Variants in KLF7 observed in about 807,000 individuals in gnomAD.
KLF7 encodes KLF transcription factor 7.
KLF7 carries 2 observed loss-of-function variants against 27.3 expected under a neutral mutation model. That is an observed-to-expected ratio of 0.07 (90% CI 0.03 to 0.23). The LOEUF is 0.23. KLF7 is among the 10% of genes least tolerant of loss of function. KLF7 has a pLI of 1.00. For missense variants in KLF7, 221 were observed against 394.1 expected (o/e 0.56, Z 3.72); for synonymous variants, 165 against 162.4 (o/e 1.02, Z -0.12).
upstream of KLF7, chr2:207,166,995 T>A: frequency 1.3e-6 from 1 of 760,886 alleles, no homozygotes; most frequent in East Asian, 4.6e-5. Context: ...GCGAGAGACC[T>A]GGTCGGGAGT....
In KLF7 at chr2:207,076,382, TTC is replaced by T. The variant is rs144458140; in HGVS notation, c.*4829_*4830del. 7.2e-5 allele frequency: 11 copies of T among 152,122 alleles called. No individual in the cohort carries two copies. Among genetic ancestry groups the T allele is most frequent in the African/African-American group, 2.2e-4 (9 of 41,434 alleles). 9.4% of individuals were successfully genotyped at this position (152,122 alleles called of 1,614,324 possible). On this transcript the variant is annotated 3_prime_UTR_variant, in exon 4 of 4. Transcript: ENST00000309446. ...TATTTGTGAAGTGATGGCCCAGGAT[TTC>T]TCTCTCTGTTTTTGACACCTGTTTC...
intron 2 of KLF7, among the ~76,000 whole-genome samples, chr2:207,114,735 A>G (rs570549512): frequency 6.6e-6 from 1 of 152,316 alleles, no homozygotes; most frequent in African/African-American, 2.4e-5. Flanking sequence ...CCAGAGAAAG[A>G]TATTAGATAC....
At chr2:207,155,098 A>G (rs2078346304) in intron 1 of KLF7, among the ~76,000 whole-genome samples, 1 of 152,178 alleles carries the variant, frequency 6.6e-6, no homozygotes, top group South Asian at 2.1e-4. Context: ...AAATACTTCC[A>G]AGTTGTATGA....
chr2:207,120,209 A>G (rs984103817), intron 2 of KLF7, among the ~76,000 whole-genome samples: 3 of 152,224 alleles, frequency 2.0e-5, no homozygotes, highest in Non-Finnish European at 2.9e-5. Flanking sequence ...ATTGCCTAAT[A>G]TCCTCCAGGG....
intron 1 of KLF7, among the ~76,000 whole-genome samples, chr2:207,160,841 G>C (rs2078526108): frequency 6.6e-6 from 1 of 152,182 alleles, no homozygotes; most frequent in South Asian, 2.1e-4. Flanking sequence ...GGATGCTTAA[G>C]GTCTCTGACA....
At chr2:207,123,347 G>C (rs943122898) in intron 2 of KLF7, among the ~76,000 whole-genome samples, 2 of 152,198 alleles carry the variant, frequency 1.3e-5, no homozygotes, top group African/African-American at 4.8e-5. Flanking sequence ...GCTGGGAAAA[G>C]AGTGAATAGG....
At position 207,080,540 on chromosome 2, in the gene KLF7, G is replaced by A. The variant is rs1359295344; in HGVS notation, c.*673C>T. ...TAAGGTGTTATTCCAGTCTGCCGCCGCTAAGGCCGTTGGGATCGACGCGAA... is the reference window on the plus strand; with the variant it reads ...TAAGGTGTTATTCCAGTCTGCCGCCACTAAGGCCGTTGGGATCGACGCGAA... On this transcript the variant is annotated 3_prime_UTR_variant, in exon 4 of 4. Transcript: ENST00000309446. The A allele has an allele frequency of 1.0e-5, 3 of 287,218 alleles. No homozygotes were observed. The highest frequency in any genetic ancestry group is 2.2e-5 in the African/African-American group (1 of 46,278). 17.8% of individuals were successfully genotyped at this position (287,218 alleles called of 1,614,324 possible). A position where few individuals can be genotyped will look rare whatever the true frequency, so the allele number is the denominator to read the frequency against.
At chr2:207,105,310 A>G (rs1056693106) in intron 2 of KLF7, among the ~76,000 whole-genome samples, 2 of 152,198 alleles carry the variant, frequency 1.3e-5, no homozygotes, top group Admixed American at 6.5e-5. Context: ...ACACCAGGTG[A>G]TAACATCACT....
intron 2 of KLF7, among the ~76,000 whole-genome samples, chr2:207,102,225 C>T (rs1232512155): frequency 3.3e-5 from 5 of 151,514 alleles, no homozygotes; most frequent in Non-Finnish European, 5.9e-5. Flanking sequence ...TATGTAGAAA[C>T]ACCCCCACAC....
chr2:207,106,810 A>C (rs1250724824), intron 2 of KLF7, among the ~76,000 whole-genome samples: 1 of 152,216 alleles, frequency 6.6e-6, no homozygotes, highest in Non-Finnish European at 1.5e-5. Context: ...CTGAAAGCAC[A>C]GAGAGTGGGA....
chr2:207,074,419 G>C lies in KLF7; in HGVS notation c.*6794C>G, dbSNP rs941277106. The C allele has an allele frequency of 1.3e-5, 2 of 152,220 alleles. No individual in the cohort carries two copies. Among genetic ancestry groups the C allele is most frequent in the Admixed American group, 6.5e-5 (1 of 15,286 alleles). The allele number at this position is 152,220 out of a possible 1,614,324, so 9.4% of individuals were successfully genotyped here. On this transcript the variant is annotated 3_prime_UTR_variant, in exon 4 of 4. Transcript: ENST00000309446. ...TCTTTCCTGGAAGTCGTGTGTGGCA[G>C]AGATTTTAGTACTTTTCTTTTCAGT...
At chr2:207,091,461 G>A (rs2076509995) in intron 2 of KLF7, among the ~76,000 whole-genome samples, 1 of 152,104 alleles carries the variant, frequency 6.6e-6, no homozygotes, top group South Asian at 2.1e-4. Flanking sequence ...ATAATACTGA[G>A]GACAGGCTCC....
At chr2:207,119,722 G>C (rs1181377353) in intron 2 of KLF7, among the ~76,000 whole-genome samples, 1 of 151,990 alleles carries the variant, frequency 6.6e-6, no homozygotes, top group Non-Finnish European at 1.5e-5. Flanking sequence ...TATTGTTTTT[G>C]AGACGGTGTC....
rs774118640 is a variant in KLF7 at position 207,124,094 on chromosome 2, G to A, written c.413C>T (p.Pro138Leu). 2 of 1,614,180 alleles carry A rather than the reference G, an allele frequency of 1.2e-6. No homozygotes were observed. Residue 138 changes from proline to leucine, a missense_variant, in exon 2 of 4, where the codon CCC becomes CTC. Around this residue, in one of 3 missense-constraint regions of KLF7, gnomAD observed 180 missense variants for 227.9 expected, o/e 0.79. Transcript: ENST00000309446. ...GCGGCTGAGCTCAGGGGACGATGGG[G>A]GCGTTAATGAGGTCACTGCGTTGAG... ...AQLNAVTSLT[P>L]PSSPELSRHL...
Position 207,100,615 on chromosome 2 carries a change from G to A in KLF7, c.734-12034C>T, listed in dbSNP as rs987520619. 4.1e-4 allele frequency among the ~76,000 whole-genome samples: 63 copies of A among 152,046 alleles called. 2 individuals are homozygous for A. The highest frequency in any genetic ancestry group is 7.4e-5 in the Non-Finnish European group (5 of 68,014). ...CCCCCGCTCCCCAACTCCCGCCCAAGCCTTTCTCACTCGCTGGGATGTCCC... is the reference window on the plus strand; with the variant it reads ...CCCCCGCTCCCCAACTCCCGCCCAAACCTTTCTCACTCGCTGGGATGTCCC... On this transcript the variant is annotated intron_variant, in intron 2 of 3. Transcript: ENST00000309446.
chr2:207,085,517 G>A (rs1455126494), intron 3 of KLF7, among the ~76,000 whole-genome samples: 4 of 152,186 alleles, frequency 2.6e-5, no homozygotes, highest in African/African-American at 7.2e-5. Context: ...CAGGGGGGCT[G>A]CACTGTCCAG....
intron 2 of KLF7, among the ~76,000 whole-genome samples, chr2:207,100,818 GAAAAGTGCTTTT>G (rs1019994669): frequency 2.6e-5 from 4 of 152,174 alleles, no homozygotes; most frequent in African/African-American, 9.7e-5. Flanking sequence ...CACATTAAAT[GAAAAGTGCTTTT>G]AAAACAAGGA....
Position 207,165,929 on chromosome 2 carries a change from T to C in KLF7, c.-361A>G. ...CAAACTCACTGACACGAAGCTGCCA[T>C]CTATTTCTGCAGCGCTGTTCGCTCC... is the stretch of plus-strand genomic sequence containing the variant. On this transcript the variant is annotated 5_prime_UTR_variant, in exon 1 of 4. The change abolishes an upstream ATG in the 5' untranslated region. Coordinates refer to ENST00000309446, the MANE Select transcript of KLF7 (RefSeq NM_003709.4). 11 of 1,086,956 alleles carry C rather than the reference T, an allele frequency of 1.0e-5. No individual in the cohort carries two copies. Among genetic ancestry groups the C allele is most frequent in the Non-Finnish European group, 1.2e-5 (11 of 891,404 alleles). 67.3% of individuals were successfully genotyped at this position (1,086,956 alleles called of 1,614,324 possible).
chr2:207,102,173 C>A (rs935969731), intron 2 of KLF7, among the ~76,000 whole-genome samples: 9 of 151,376 alleles, frequency 5.9e-5, no homozygotes, highest in Admixed American at 5.9e-4. Context: ...GCCCTCCCCC[C>A]CAATCTGCAA....
Sources: allele counts gnomAD v4.1 joint callset (sites outside exome capture counted in the v4.1 genomes callset), GRCh38; gene constraint gnomAD v4.1.1; regional missense constraint gnomAD v4.1.1; transcripts MANE v1.5; gene names NCBI Gene and HGNC (gene_info 2026-07-23, HGNC 2026-07-21).